NEK10: variants seen among roughly 807,000 people sequenced by gnomAD.
The protein encoded by NEK10 is NIMA related kinase 10.
In NEK10, 122 loss-of-function variants were observed where a neutral mutation model predicts 159.8. The observed-to-expected ratio is 0.76, with a 90% CI of 0.66 to 0.89. The LOEUF (loss-of-function observed/expected upper bound fraction) is 0.89, where lower values mean the gene tolerates loss of function less well. Ranked by LOEUF, NEK10 falls within the 40% of genes least tolerant of loss-of-function variation. The pLI, the probability that NEK10 is intolerant of heterozygous loss-of-function variation, is 0.00. For synonymous variants in NEK10, 466 were observed against 457.1 expected (o/e 1.02, Z -0.25); for missense variants, 1,342 against 1,323.1 (o/e 1.01, Z -0.22).
At position 27,322,191 on chromosome 3, in the gene NEK10, C is replaced by A. The variant is rs1354336600; in HGVS notation, c.433G>T (p.Asp145Tyr). The change falls in exon 6 of 36, where the codon GAT becomes TAT. Residue 145 changes from aspartate to tyrosine, a missense_variant. Asp to Tyr is a radical substitution (Grantham distance 160). Coordinates refer to ENST00000691995, the MANE Select transcript of NEK10 (RefSeq NM_001394966.1). ...TTCCAACCAACCTGATAACATGGAT[C>A]CCTCATTAGTAGCCTCAGACAGATT... The part of the protein sequence containing the change: ...VLICLRLLMR[D>Y]PCYQEILHSL... The A allele has an allele frequency of 1.3e-6, 2 of 1,547,068 alleles. No homozygotes were observed. Among genetic ancestry groups the A allele is most frequent in the Non-Finnish European group, 1.8e-6 (2 of 1,136,756 alleles).
chr3:27,261,460 C>A (rs564534168), intron 22 of NEK10, among the ~76,000 whole-genome samples: 1 of 152,182 alleles, frequency 6.6e-6, no homozygotes, highest in African/African-American at 2.4e-5. Context: ...ATCTTTATTT[C>A]TGCCTTCATT....
chr3:27,335,482 T>A (rs1352436484), intron 5 of NEK10, among the ~76,000 whole-genome samples: 1 of 152,070 alleles, frequency 6.6e-6, no homozygotes, highest in East Asian at 1.9e-4. Flanking sequence ...AACGTTGGAT[T>A]TAAACTGGAC....
chr3:27,174,366 T>A, intron 28 of NEK10, 73 bp downstream of exon 28: 1 of 1,599,344 alleles, frequency 6.3e-7, no homozygotes, highest in East Asian at 2.2e-5. Context: ...GATATTTGCT[T>A]GACTCAAGTA....
intron 22 of NEK10, among the ~76,000 whole-genome samples, chr3:27,274,175 T>G (rs2041591525): frequency 6.6e-6 from 1 of 152,148 alleles, no homozygotes; most frequent in Non-Finnish European, 1.5e-5. Flanking sequence ...AGCTTCCTTC[T>G]CCAGTGCAGA....
intron 23 of NEK10, among the ~76,000 whole-genome samples, chr3:27,227,690 A>G (rs1401523385): frequency 6.6e-6 from 1 of 152,236 alleles, no homozygotes; most frequent in Admixed American, 6.5e-5. Context: ...ACTTGAAAGT[A>G]AATATCACTA....
intron 32 of NEK10, among the ~76,000 whole-genome samples, chr3:27,122,248 C>A (rs531603071): frequency 6.6e-6 from 1 of 152,040 alleles, no homozygotes; most frequent in African/African-American, 2.4e-5. Flanking sequence ...TCTCTCCTGC[C>A]GCCCAGTGAA....
chr3:27,202,402 C>T (rs541362612), intron 24 of NEK10, 26 bp downstream of exon 24: 1 of 1,588,892 alleles, frequency 6.3e-7, no homozygotes, highest in East Asian at 2.3e-5. Flanking sequence ...CTACACGAGA[C>T]CCTTCTGTCT....
At chr3:27,263,034 C>T (rs1375105129) in intron 22 of NEK10, among the ~76,000 whole-genome samples, 1 of 152,222 alleles carries the variant, frequency 6.6e-6, no homozygotes, top group Non-Finnish European at 1.5e-5. Context: ...TTCCTTCTAA[C>T]AGTCAGGACC....
At chr3:27,170,217 G>T (rs995821126) in intron 29 of NEK10, among the ~76,000 whole-genome samples, 2 of 152,182 alleles carry the variant, frequency 1.3e-5, no homozygotes, top group South Asian at 2.1e-4. Context: ...GCCACCTCCT[G>T]AGTGGGGGTC....
chr3:27,280,382 C>A (rs1290396223), intron 22 of NEK10, among the ~76,000 whole-genome samples: 1 of 152,130 alleles, frequency 6.6e-6, no homozygotes, highest in Non-Finnish European at 1.5e-5. Flanking sequence ...GAATTGAGAT[C>A]AAGTTCCCAG....
At chr3:27,281,619 C>G (rs2042166610) in intron 22 of NEK10, among the ~76,000 whole-genome samples, 1 of 152,004 alleles carries the variant, frequency 6.6e-6, no homozygotes, top group Non-Finnish European at 1.5e-5. Context: ...AAGCGAACAT[C>G]CAAAAAACAT....
intron 26 of NEK10, among the ~76,000 whole-genome samples, chr3:27,190,716 C>T (rs766989717): frequency 6.6e-6 from 1 of 152,062 alleles, no homozygotes; most frequent in African/African-American, 2.4e-5. Flanking sequence ...CCCCAAATAC[C>T]TAAGATATAT....
At chr3:27,362,483 T>C (rs902340885) in intron 1 of NEK10, among the ~76,000 whole-genome samples, 2 of 152,016 alleles carry the variant, frequency 1.3e-5, no homozygotes, top group Non-Finnish European at 2.9e-5. Flanking sequence ...GAGATAATGT[T>C]AGAGTGTCCA....
intron 35 of NEK10, among the ~76,000 whole-genome samples, chr3:27,114,551 A>G (rs1940098058): frequency 6.6e-6 from 1 of 152,220 alleles, no homozygotes; most frequent in Admixed American, 6.5e-5. Context: ...TGGGAGAAGT[A>G]GAAGAAAAAG....
At chr3:27,188,909 T>C (rs1358184825) in intron 26 of NEK10, among the ~76,000 whole-genome samples, 1 of 152,156 alleles carries the variant, frequency 6.6e-6, no homozygotes, top group Non-Finnish European at 1.5e-5. Flanking sequence ...CTGCCAGGGA[T>C]ATAAGATCGA....
chr3:27,183,778 A>T (rs1190486912), intron 26 of NEK10, among the ~76,000 whole-genome samples: 1 of 152,168 alleles, frequency 6.6e-6, no homozygotes, highest in Non-Finnish European at 1.5e-5. Context: ...AAAGATTTGA[A>T]CAGATATTTA....
At chr3:27,153,702 T>G (rs1240142909) in intron 30 of NEK10, among the ~76,000 whole-genome samples, 1 of 152,184 alleles carries the variant, frequency 6.6e-6, no homozygotes. Context: ...TGCTCCTGAA[T>G]GAGCAATGGG....
At chr3:27,214,433 T>C (rs1951293790) in intron 23 of NEK10, among the ~76,000 whole-genome samples, 1 of 152,224 alleles carries the variant, frequency 6.6e-6, no homozygotes, top group Admixed American at 6.5e-5. Flanking sequence ...CCATTTTACC[T>C]GCACTAAATC....
At chr3:27,196,368 C>G (rs912767815) in intron 25 of NEK10, among the ~76,000 whole-genome samples, 5 of 152,176 alleles carry the variant, frequency 3.3e-5, no homozygotes, top group Non-Finnish European at 7.3e-5. Context: ...TGCCGGTGCT[C>G]CCAGCTGAAT....
Sources: gnomAD v4.1 joint callset for allele counts (sites outside exome capture counted in the v4.1 genomes callset) on GRCh38, gnomAD v4.1.1 for gene constraint, MANE v1.5 for transcripts, NCBI Gene and HGNC (gene_info 2026-07-23, HGNC 2026-07-21) for gene names.